Variants in PLCH1 observed in about 807,000 individuals in gnomAD.
PLCH1 encodes the protein 1-phosphatidylinositol 4,5-bisphosphate phosphodiesterase eta-1.
A neutral mutation model predicts 126.7 loss-of-function variants in PLCH1; 60 were observed. The observed-to-expected ratio is 0.47, with a 90% CI of 0.38 to 0.59. PLCH1 has a LOEUF of 0.59. PLCH1 is among the 20% of genes least tolerant of loss of function. The probability of loss-of-function intolerance (pLI) is 0.00; values close to 1 mark genes in which losing one functional copy is unlikely to be tolerated. For synonymous variants in PLCH1, 719 were observed against 734.9 expected, an observed-to-expected ratio of 0.98 and a Z score of 0.35; for missense variants, 1,723 against 2,040.0, an observed-to-expected ratio of 0.84 and a Z score of 2.99.
At chr3:155,511,932 C>T (rs1180175961) in intron 12 of PLCH1, among the ~76,000 whole-genome samples, 12 of 152,074 alleles carry the variant, frequency 7.9e-5, no homozygotes, top group Middle Eastern at 3.2e-3. Flanking sequence ...TGGGCAATGG[C>T]GGGCGCCCCT....
chr3:155,521,868 G>A (rs1721147832), intron 11 of PLCH1, among the ~76,000 whole-genome samples: 1 of 152,126 alleles, frequency 6.6e-6, no homozygotes, highest in Non-Finnish European at 1.5e-5. Context: ...CAGTTAAGGT[G>A]CTCTACTTTC....
In PLCH1 at chr3:155,482,785, G is replaced by A. The variant is rs1714381379; in HGVS notation, c.3241C>T (p.His1081Tyr). ...CPSKSLSPKQ[H>Y]LAPDPVVNPT... is the part of the protein sequence containing the mutation. ...TTAACTACAGGATCGGGAGCCAAAT[G>A]CTGCTTTGGGGAGAGAGACTTGCTG... Residue 1081 changes from histidine to tyrosine, a missense_variant, in exon 23 of 23, where the codon CAT becomes TAT. Physicochemically the swap from His to Tyr is moderately conservative, Grantham distance 83. Transcript: ENST00000460012. The A allele has an allele frequency of 6.2e-7, 1 of 1,614,172 alleles. No individual in the cohort carries two copies. The highest frequency in any genetic ancestry group is 8.5e-7 in the Non-Finnish European group (1 of 1,180,012).
chr3:155,544,907 T>C (rs1414751399), intron 10 of PLCH1, among the ~76,000 whole-genome samples: 1 of 151,294 alleles, frequency 6.6e-6, no homozygotes, highest in East Asian at 1.9e-4. Flanking sequence ...GGGAAATTTA[T>C]AGCACTAAAT....
chr3:155,594,122 C>G lies in PLCH1; in HGVS notation c.289G>C (p.Ala97Pro), dbSNP rs1732586490. The part of the protein sequence containing the change: ...GRQSEIFHRQ[A>P]EGNFDPSCCF... ...CAGCTGGGGTCGAAGTTCCCCTCAG[C>G]TTGTCTGTGGAATATTTCAGACTGC... is the stretch of plus-strand genomic sequence containing the variant. Residue 97 changes from alanine (A) to proline (P), a missense_variant, in exon 4 of 23, where the codon GCT (alanine) becomes CCT (proline). By Grantham distance (27) the Ala-to-Pro change is conservative. Coordinates refer to ENST00000460012, the MANE Select transcript of PLCH1 (RefSeq NM_014996.4). 1 of 1,613,888 alleles carries G rather than the reference C, an allele frequency of 6.2e-7. No homozygotes were observed. The highest frequency in any genetic ancestry group is 8.5e-7 in the Non-Finnish European group (1 of 1,179,958).
intron 1 of PLCH1, among the ~76,000 whole-genome samples, chr3:155,715,564 C>T (rs141035451): frequency 1.3e-5 from 2 of 151,626 alleles, no homozygotes; most frequent in African/African-American, 4.8e-5. Context: ...CTCAGCCTCC[C>T]AAAGTGCTAT....
chr3:155,598,554 C>G (rs1308203936), intron 2 of PLCH1, among the ~76,000 whole-genome samples: 1 of 152,184 alleles, frequency 6.6e-6, no homozygotes, highest in Non-Finnish European at 1.5e-5. Flanking sequence ...GGAGACTTTG[C>G]CTTTGACCTT....
rs77083116 is a variant in PLCH1, at chr3:155,451,489, C to T, written c.2938+33867G>A. Among the ~76,000 whole-genome samples the T allele has an allele frequency of 6.8e-3, 1,033 of 152,228 alleles. 13 individuals carry two copies. The highest frequency in any genetic ancestry group is 0.023 in the African/African-American group (962 of 41,542). ...CATTTTATGTGTCAACTTAACAGGG[C>T]CATGTAGTGCCCAGATATTTAGCTA... On this transcript the variant is annotated intron_variant, in intron 21 of 21. Coordinates refer to the PLCH1 transcript ENST00000494598.
chr3:155,689,041 G>A (rs1745174127), intron 2 of PLCH1, among the ~76,000 whole-genome samples: 1 of 152,182 alleles, frequency 6.6e-6, no homozygotes, highest in Non-Finnish European at 1.5e-5. Flanking sequence ...GTCTCACCCA[G>A]CACAGTCCCA....
rs774748229 is a variant in PLCH1, at chr3:155,500,655, G to A, written c.1796+48C>T. The stretch of plus-strand genomic sequence containing the variant: ...GAAAAATGACTAAGCTGACAAGGAT[G>A]GAGGGGCCTCAGGAGTGTGAGTAGG... On this transcript the variant is annotated intron_variant, in intron 14 of 22. Transcript: ENST00000460012. 6.4e-6 allele frequency: 7 copies of A among 1,095,426 alleles called. No individual in the cohort carries two copies. The Admixed American group carries it at 1.1e-4, about 17-fold the overall frequency. The allele number at this position is 1,095,426 out of a possible 1,614,324, so 67.9% of individuals were successfully genotyped here.
At chr3:155,729,898 G>A (rs1748631200) in intron 1 of PLCH1, among the ~76,000 whole-genome samples, 1 of 145,830 alleles carries the variant, frequency 6.9e-6, no homozygotes. Flanking sequence ...GTACTCCCGC[G>A]TGGGTGACAC....
chr3:155,477,672 A>T (rs1319157808), downstream of PLCH1, among the ~76,000 whole-genome samples: 1 of 152,208 alleles, frequency 6.6e-6, no homozygotes, highest in East Asian at 1.9e-4. Context: ...TCATCAGAGA[A>T]ATGCAAATCA....
chr3:155,698,291 C>A (rs1745987715), intron 2 of PLCH1, among the ~76,000 whole-genome samples: 1 of 152,100 alleles, frequency 6.6e-6, no homozygotes, highest in Non-Finnish European at 1.5e-5. Flanking sequence ...AAATAAATAG[C>A]ATTCACTGAG....
chr3:155,606,610 T>C (rs1436058264), intron 2 of PLCH1, among the ~76,000 whole-genome samples: 1 of 152,244 alleles, frequency 6.6e-6, no homozygotes, highest in African/African-American at 2.4e-5. Context: ...CAGTTGCTTA[T>C]AGTGAATGGT....
At chr3:155,572,882 C>T (rs528545330) in intron 6 of PLCH1, among the ~76,000 whole-genome samples, 3 of 152,150 alleles carry the variant, frequency 2.0e-5, no homozygotes, top group South Asian at 4.2e-4. Context: ...CACACCACTG[C>T]ACCTGGCTGA....
At chr3:155,468,772 C>G (rs1713028508) in intron 21 of PLCH1, among the ~76,000 whole-genome samples, 1 of 151,982 alleles carries the variant, frequency 6.6e-6, no homozygotes, top group Non-Finnish European at 1.5e-5. Context: ...ATATATAAAG[C>G]AAATGTTATT....
At chr3:155,496,297 C>G (rs1239372925) in intron 15 of PLCH1, among the ~76,000 whole-genome samples, 1 of 152,146 alleles carries the variant, frequency 6.6e-6, no homozygotes, top group African/African-American at 2.4e-5. Flanking sequence ...ACCAAATATA[C>G]CTTTAACTTA....
chr3:155,496,512 G>T (rs922009032), intron 15 of PLCH1, among the ~76,000 whole-genome samples: 3 of 152,136 alleles, frequency 2.0e-5, no homozygotes, highest in Non-Finnish European at 4.4e-5. Flanking sequence ...TTTGTGGAGT[G>T]GGGGCTGGGC....
intron 1 of PLCH1, among the ~76,000 whole-genome samples, chr3:155,735,810 A>G (rs537684068): frequency 1.3e-5 from 2 of 152,344 alleles, no homozygotes; most frequent in Non-Finnish European, 2.9e-5. Flanking sequence ...TAAATAGTTT[A>G]AGGAAGCTCT....
intron 4 of PLCH1, among the ~76,000 whole-genome samples, chr3:155,589,463 C>A (rs908234757): frequency 3.3e-5 from 5 of 151,966 alleles, no homozygotes; most frequent in African/African-American, 1.2e-4. Flanking sequence ...CCATTTAAAA[C>A]CCATTCTTAG....
Sources: gnomAD v4.1 joint callset for allele counts (sites outside exome capture counted in the v4.1 genomes callset) on GRCh38, gnomAD v4.1.1 for gene constraint, MANE v1.5 for transcripts, NCBI Gene and HGNC (gene_info 2026-07-23, HGNC 2026-07-21) for gene names.